The following SHANK1 variants were observed in gnomAD, a reference collection of about 807,000 sequenced individuals.
The protein encoded by SHANK1 is SH3 and multiple ankyrin repeat domains 1.
Under a neutral mutation model 165.6 loss-of-function variants are expected in SHANK1, and 35 were observed. The ratio of observed to expected loss-of-function variants is 0.21; its 90% CI spans 0.16 to 0.28. The LOEUF (loss-of-function observed/expected upper bound fraction) is 0.28, where lower values mean the gene tolerates loss of function less well. Ranked by LOEUF, SHANK1 falls within the 10% of genes least tolerant of loss-of-function variation. The probability of loss-of-function intolerance (pLI) is 1.00; values close to 1 mark genes in which losing one functional copy is unlikely to be tolerated. For synonymous variants in SHANK1, 1,428 were observed against 1,384.8 expected, an observed-to-expected ratio of 1.03 and a Z score of -0.69; for missense variants, 2,681 against 3,036.4, an observed-to-expected ratio of 0.88 and a Z score of 2.75.
In SHANK1 at chr19:50,711,351, G is replaced by A. The variant is rs1450637209; in HGVS notation, c.1077+20C>T. On this transcript the variant is annotated intron_variant, in intron 8 of 23. Transcript: ENST00000293441. ...CTATCGGGGATGTGAGGGGCCTGGGGTGGCCGCTGCTAGGCAGACCTTGTT... is the reference window on the plus strand; with the variant it reads ...CTATCGGGGATGTGAGGGGCCTGGGATGGCCGCTGCTAGGCAGACCTTGTT... The A allele has an allele frequency of 4.6e-6, 7 of 1,532,930 alleles. No individual in the cohort carries two copies. The highest frequency in any genetic ancestry group is 4.1e-5 in the African/African-American group (3 of 72,666). The allele number at this position is 1,532,930 out of a possible 1,614,324, so 95.0% of individuals were successfully genotyped here.
rs753533297 is a variant in SHANK1, at chr19:50,670,955, G to A, written c.2674+1063C>T. ...ATTACAGGCACATGCCACCACGCTTGGCTAATTTTTGTATTTTTAGTAGAA... is the reference window on the plus strand; with the variant it reads ...ATTACAGGCACATGCCACCACGCTTAGCTAATTTTTGTATTTTTAGTAGAA... On this transcript the variant is annotated intron_variant, in intron 22 of 23. Coordinates refer to ENST00000293441, the MANE Select transcript of SHANK1 (RefSeq NM_016148.5). This position sits in a 1 kb window ranked among gnomAD's most constrained non-coding sequence, Gnocchi z 4.1. Among the ~76,000 whole-genome samples, 1 of 151,474 alleles carries A rather than the reference G, an allele frequency of 6.6e-6. No individual in the cohort carries two copies. The highest frequency in any genetic ancestry group is 1.5e-5 in the Non-Finnish European group (1 of 67,890).
chr19:50,718,269 T>C lies in SHANK1; in HGVS notation c.-44+1137A>G, dbSNP rs1442342495. 7.5e-6 allele frequency among the ~76,000 whole-genome samples: 1 copy of C among 132,766 alleles called. No individual in the cohort carries two copies. Among genetic ancestry groups the C allele is most frequent in the African/African-American group, 2.9e-5 (1 of 34,922 alleles). The allele number at this position is 132,766 out of a possible 152,430, so 87.1% of individuals were successfully genotyped here. A position where few individuals can be genotyped will look rare whatever the true frequency, so the allele number is the denominator to read the frequency against. On this transcript the variant is annotated intron_variant, in intron 1 of 23. Coordinates refer to ENST00000293441, the MANE Select transcript of SHANK1 (RefSeq NM_016148.5). The surrounding 1 kb of genome is among the most constrained non-coding windows in gnomAD (Gnocchi z 5.1). ...CTGCGAAGCCCCCTCCCCCTCCAGGTACCCAGCCACGCCGCCCCACCTCGT... is the reference window on the plus strand; with the variant it reads ...CTGCGAAGCCCCCTCCCCCTCCAGGCACCCAGCCACGCCGCCCCACCTCGT...
chr19:50,665,764 T>C (rs927503825), intron 23 of SHANK1, among the ~76,000 whole-genome samples: 1 of 108,800 alleles, frequency 9.2e-6, no homozygotes, highest in African/African-American at 3.9e-5. Flanking sequence ...CCAGGCATGT[T>C]GGCTCATGCC....
At position 50,661,991 on chromosome 19, in the gene SHANK1, C is replaced by T. The variant is rs1228982572; in HGVS notation, c.6460G>A (p.Ala2154Thr). The T allele has an allele frequency of 6.2e-7, 1 of 1,614,140 alleles. No individual in the cohort carries two copies. The highest frequency in any genetic ancestry group is 8.5e-7 in the Non-Finnish European group (1 of 1,180,032). ...CACCTCTCCAGGAAGAATTTGAGAG[C>T]CCGGTCGATGTTCATGCGGTGGCCC... ...RVGHRMNIDR[A>T]LKFFLER Residue 2154 changes from alanine to threonine, a missense_variant, in exon 24 of 24, where the codon GCT (alanine) becomes ACT (threonine). Physicochemically the swap from Ala to Thr is moderately conservative, Grantham distance 58. This residue lies in a region of SHANK1 where 49 missense variants were observed against 94.2 expected (regional missense o/e 0.52). Coordinates refer to ENST00000293441, the MANE Select transcript of SHANK1 (RefSeq NM_016148.5).
In SHANK1 at chr19:50,668,919, TGGGGCTGAGGGGGC is replaced by T; in HGVS notation, c.3027_3040del (p.Gln1012ProfsTer151). The stretch of plus-strand genomic sequence containing the variant: ...ATGAGGGGGGTGGGCGTGGTGGTGG[TGGGGCTGAGGGGGC>T]GGGGCGTGGTGGTGGTGGTGGTGGG... On this transcript the variant is annotated frameshift_variant, in exon 23 of 24. Coordinates refer to ENST00000293441, the MANE Select transcript of SHANK1 (RefSeq NM_016148.5). LOFTEE classifies it high-confidence loss of function. The T allele has an allele frequency of 4.1e-6, 1 of 246,242 alleles. No homozygotes were observed. The highest frequency in any genetic ancestry group is 5.8e-6 in the Non-Finnish European group (1 of 172,666). 15.3% of individuals were successfully genotyped at this position (246,242 alleles called of 1,614,324 possible).
chr19:50,700,040 C>A (rs113666374), intron 12 of SHANK1, among the ~76,000 whole-genome samples: 2,610 of 27,104 alleles, frequency 0.096, 285 homozygotes, highest in Middle Eastern at 0.14. Flanking sequence ...GATTGGAGGG[C>A]TCGGGGCATT....
intron 23 of SHANK1, among the ~76,000 whole-genome samples, chr19:50,663,544 A>G (rs1036620669): frequency 1.1e-4 from 17 of 151,980 alleles, no homozygotes; most frequent in Admixed American, 9.2e-4. Flanking sequence ...GATGGTTGCA[A>G]TTATTTTGTT....
In SHANK1 at chr19:50,716,683, G is replaced by T; in HGVS notation, c.237C>A (p.Ile79=). The change falls in exon 2 of 24, where the codon ATC becomes ATA. Residue 79 remains isoleucine (I), a synonymous_variant. Coordinates refer to ENST00000293441, the MANE Select transcript of SHANK1 (RefSeq NM_016148.5). The surrounding 1 kb of genome is among the most constrained non-coding windows in gnomAD (Gnocchi z 8.4). ...HFSMMVFRIG[I]PDLHQTKCLR... ...TACTCACTGTCTGGTGCAGGTCCGG[G>T]ATGCCAATCCTGAAGACCATCATGC... 1.3e-6 allele frequency: 2 copies of T among 1,582,662 alleles called. No individual in the cohort carries two copies. Among genetic ancestry groups the T allele is most frequent in the Non-Finnish European group, 1.7e-6 (2 of 1,164,766 alleles).
chr19:50,684,518 G>C (rs1986274340), intron 21 of SHANK1, among the ~76,000 whole-genome samples: 1 of 152,124 alleles, frequency 6.6e-6, no homozygotes, highest in African/African-American at 2.4e-5. Context: ...GAGCCACCAA[G>C]CCCAGCCTCC....
chr19:50,665,358 A>G (rs1426531568), intron 23 of SHANK1, among the ~76,000 whole-genome samples: 2 of 151,964 alleles, frequency 1.3e-5, no homozygotes, highest in African/African-American at 4.8e-5. Context: ...TTAGGTCAGG[A>G]GTTCAAGACC....
At chr19:50,708,038 C>G (rs752364421) in intron 8 of SHANK1, among the ~76,000 whole-genome samples, 6 of 151,824 alleles carry the variant, frequency 4.0e-5, no homozygotes, top group Non-Finnish European at 5.9e-5. Context: ...ACCTCTGCTT[C>G]CTGAGTTCAG....
rs1166854857 is a variant in SHANK1, at chr19:50,666,528, A to G, written c.5432T>C (p.Val1811Ala). The change falls in exon 23 of 24, where the codon GTG becomes GCG. Residue 1811 changes from valine (V) to alanine (A), a missense_variant. Physicochemically the swap from Val to Ala is moderately conservative, Grantham distance 64 (BLOSUM62 0). Transcript: ENST00000293441. ...CTCTACAGCCACCGGACCCCCCGCC[A>G]CGCCTGCCGTGGGGGGTCCTGAACA... ...RACSGPPTAG[V>A]AGGPVAVEPE... 1 of 1,590,846 alleles carries G rather than the reference A, an allele frequency of 6.3e-7. No homozygotes were observed. Among genetic ancestry groups the G allele is most frequent in the South Asian group, 1.1e-5 (1 of 88,512 alleles).
Position 50,666,374 on chromosome 19 carries a change from G to A in SHANK1, c.5586C>T (p.Ala1862=), listed in dbSNP as rs773184269. 6.2e-7 allele frequency: 1 copy of A among 1,613,770 alleles called. No homozygotes were observed. The highest frequency in any genetic ancestry group is 1.7e-5 in the Admixed American group (1 of 60,020). The change falls in exon 23 of 24, where the codon GCC becomes GCT. Residue 1862 remains alanine, a synonymous_variant. Coordinates refer to ENST00000293441, the MANE Select transcript of SHANK1 (RefSeq NM_016148.5). ...PGPLAQPQAS[A]LATVKASIIS... is the part of the protein sequence containing the mutation. ...TGATGCTGGCTTTTACTGTGGCCAAGGCTGAGGCCTGAGGCTGGGCCAAGG... is the reference window on the plus strand; with the variant it reads ...TGATGCTGGCTTTTACTGTGGCCAAAGCTGAGGCCTGAGGCTGGGCCAAGG...
At chr19:50,691,155 G>C (rs142011805) in intron 15 of SHANK1, among the ~76,000 whole-genome samples, 4,212 of 152,282 alleles carry the variant, frequency 0.028, 109 homozygotes, top group Non-Finnish European at 0.036. Context: ...GGAAGGGGCT[G>C]AAAGGGGTGA....
intron 21 of SHANK1, among the ~76,000 whole-genome samples, chr19:50,672,982 A>G (rs1985853581): frequency 6.6e-6 from 1 of 152,024 alleles, no homozygotes. Context: ...GCAGCATCCC[A>G]TCCCTCACCC....
chr19:50,713,781 G>A lies in SHANK1; in HGVS notation c.792+17C>T, dbSNP rs572421184. On this transcript the variant is annotated intron_variant, in intron 6 of 23. Transcript: ENST00000293441. The surrounding 1 kb of genome is among the most constrained non-coding windows in gnomAD (Gnocchi z 6.2). The stretch of plus-strand genomic sequence containing the variant: ...AGAGGGCCCCATGGCGGGGATGGGG[G>A]GTCCCCGAAGCCTCACCGTGAGTGC... The A allele has an allele frequency of 2.5e-6, 4 of 1,610,850 alleles. No homozygotes were observed. The South Asian group carries it at 4.4e-5, about 18-fold the overall frequency.
chr19:50,706,481 C>T (rs1002339487), intron 8 of SHANK1, among the ~76,000 whole-genome samples: 1 of 152,090 alleles, frequency 6.6e-6, no homozygotes, highest in Non-Finnish European at 1.5e-5. Flanking sequence ...AGCTGCCTGC[C>T]CTGCCACTCC....
chr19:50,698,112 G>A (rs577743110), intron 12 of SHANK1, among the ~76,000 whole-genome samples, 156 bp from the exon 13 acceptor site: 2 of 152,316 alleles, frequency 1.3e-5, no homozygotes, highest in African/African-American at 4.8e-5. Context: ...GCTTGGGGGA[G>A]ACCCATATCA....
In SHANK1 at chr19:50,668,941, G is replaced by A; in HGVS notation, c.3019C>T (p.His1007Tyr). 2.2e-6 allele frequency: 1 copy of A among 463,328 alleles called. No homozygotes were observed. Among genetic ancestry groups the A allele is most frequent in the Non-Finnish European group, 3.6e-6 (1 of 275,322 alleles). 28.7% of individuals were successfully genotyped at this position (463,328 alleles called of 1,614,324 possible). A position where few individuals can be genotyped will look rare whatever the true frequency, so the allele number is the denominator to read the frequency against. Residue 1007 changes from histidine (H) to tyrosine (Y), a missense_variant, in exon 23 of 24, where the codon CAC becomes TAC. By Grantham distance (83) the His-to-Tyr change is moderately conservative (BLOSUM62 2). This residue lies in a region of SHANK1 where 1,713 missense variants were observed against 1,630.2 expected (regional missense o/e 1.05). Coordinates refer to ENST00000293441, the MANE Select transcript of SHANK1 (RefSeq NM_016148.5). ...HHHPPHHHHH[H>Y]APPPQPHHHH... is the part of the protein sequence containing the mutation. ...TGGTGGGGCTGAGGGGGCGGGGCGTGGTGGTGGTGGTGGTGGGGCGGGTGG... is the reference window on the plus strand; with the variant it reads ...TGGTGGGGCTGAGGGGGCGGGGCGTAGTGGTGGTGGTGGTGGGGCGGGTGG...
Sources: gnomAD v4.1 joint callset for allele counts (sites outside exome capture counted in the v4.1 genomes callset) on GRCh38, gnomAD v4.1.1 for gene constraint, gnomAD v4.1.1 regional missense constraint, Gnocchi (gnomAD v3.1) non-coding constraint, MANE v1.5 for transcripts, NCBI Gene and HGNC (gene_info 2026-07-23, HGNC 2026-07-21) for gene names.